CNTN4: variants seen among roughly 807,000 people sequenced by gnomAD.
The protein encoded by CNTN4 is contactin 4.
A neutral mutation model predicts 122.5 loss-of-function variants in CNTN4; 77 were observed. The ratio of observed to expected loss-of-function variants is 0.63; its 90% CI spans 0.52 to 0.76. The LOEUF (loss-of-function observed/expected upper bound fraction) is 0.76, where lower values mean the gene tolerates loss of function less well. Ranked by LOEUF, CNTN4 falls within the 30% of genes least tolerant of loss-of-function variation. The pLI is 0.00. For synonymous variants in CNTN4, 512 were observed against 447.0 expected, an observed-to-expected ratio of 1.15 and a Z score of -1.83; for missense variants, 1,256 against 1,259.1, an observed-to-expected ratio of 1.00 and a Z score of 0.04.
rs1057206659 is a variant in CNTN4 at position 2,473,345 on chromosome 3, A to G, written c.-88-98071A>G. Among the ~76,000 whole-genome samples, 5 of 151,534 alleles carry G rather than the reference A, an allele frequency of 3.3e-5. No individual in the cohort carries two copies. The South Asian group carries it at 6.3e-4, about 19-fold the overall frequency. On this transcript the variant is annotated intron_variant, in intron 3 of 24. Coordinates refer to ENST00000418658, the MANE Select transcript of CNTN4 (RefSeq NM_175607.3). The stretch of plus-strand genomic sequence containing the variant: ...GCTTCCTCAATTCCACCTGGACTCT[A>G]CCTCACTCCTTGCCACTTTCCTTCT...
intron 12 of CNTN4, among the ~76,000 whole-genome samples, chr3:2,916,744 G>A (rs1247188703): frequency 6.9e-6 from 1 of 144,518 alleles, no homozygotes; most frequent in Admixed American, 6.8e-5. Flanking sequence ...TGGCGGCCGG[G>A]CAGAGGGGCT....
chr3:2,504,598 G>A (rs570034520), intron 3 of CNTN4, among the ~76,000 whole-genome samples: 2 of 152,126 alleles, frequency 1.3e-5, no homozygotes, highest in African/African-American at 4.8e-5. Context: ...TAAAACTACT[G>A]AGTGAAATGC....
intron 13 of CNTN4, among the ~76,000 whole-genome samples, chr3:2,946,764 C>T (rs1462812646): frequency 3.7e-5 from 5 of 136,338 alleles, no homozygotes; most frequent in East Asian, 2.3e-4. Flanking sequence ...AATGCAGTGG[C>T]GTGAACATGG....
intron 3 of CNTN4, among the ~76,000 whole-genome samples, chr3:2,409,475 C>T (rs1181781057): frequency 6.6e-6 from 1 of 152,184 alleles, no homozygotes; most frequent in East Asian, 1.9e-4. Context: ...TCTCGAATTC[C>T]TGACCTTGTG....
intron 3 of CNTN4, among the ~76,000 whole-genome samples, chr3:2,361,705 C>T (rs917646361): frequency 1.3e-5 from 2 of 152,094 alleles, no homozygotes; most frequent in African/African-American, 2.4e-5. Context: ...ATATTTTCTA[C>T]CTAAAAAAGC....
At chr3:2,725,200 G>C (rs529070242) in intron 4 of CNTN4, among the ~76,000 whole-genome samples, 1 of 152,208 alleles carries the variant, frequency 6.6e-6, no homozygotes, top group African/African-American at 2.4e-5. Context: ...CAGCCACCTG[G>C]TGCTTAAAAC....
At chr3:3,032,980 C>G (rs1337248491) in intron 16 of CNTN4, among the ~76,000 whole-genome samples, 2 of 152,172 alleles carry the variant, frequency 1.3e-5, no homozygotes, top group East Asian at 1.9e-4. Context: ...ACCATCTTCT[C>G]TCCAGTGTCC....
intron 3 of CNTN4, among the ~76,000 whole-genome samples, chr3:2,523,862 C>CA (rs2077307601): frequency 1.3e-5 from 2 of 151,902 alleles, no homozygotes; most frequent in African/African-American, 2.4e-5. Context: ...TAAATATACA[C>CA]AAAAAAACTA....
chr3:2,698,313 T>C (rs1239083829), intron 4 of CNTN4, among the ~76,000 whole-genome samples: 1 of 152,214 alleles, frequency 6.6e-6, no homozygotes, highest in East Asian at 1.9e-4. Flanking sequence ...TCTCTCCCTT[T>C]TCCCTTCCAT....
At chr3:2,883,317 G>C (rs2093933832) in intron 9 of CNTN4, 70 bp downstream of exon 9, 1 of 1,107,890 alleles carries the variant, frequency 9.0e-7, no homozygotes, top group African/African-American at 1.6e-5. Flanking sequence ...TTCTTGCACT[G>C]TTCACAGCGA....
chr3:2,311,102 C>T (rs956131831), intron 2 of CNTN4, among the ~76,000 whole-genome samples: 1 of 152,048 alleles, frequency 6.6e-6, no homozygotes, highest in Non-Finnish European at 1.5e-5. Context: ...ACCTACCTTT[C>T]CCCCTGAAAT....
chr3:2,960,739 G>A (rs893580775), intron 13 of CNTN4, among the ~76,000 whole-genome samples: 31 of 152,108 alleles, frequency 2.0e-4, no homozygotes, highest in African/African-American at 7.0e-4. Context: ...TGCAGTAATG[G>A]CCCCTGCTTT....
chr3:2,370,360 G>T (rs1455908627), intron 3 of CNTN4, among the ~76,000 whole-genome samples: 1 of 152,108 alleles, frequency 6.6e-6, no homozygotes, highest in Non-Finnish European at 1.5e-5. Context: ...GTCATACTTT[G>T]GTTTTCCTGA....
intron 2 of CNTN4, among the ~76,000 whole-genome samples, chr3:2,192,792 A>G (rs1483534072): frequency 6.6e-6 from 1 of 152,136 alleles, no homozygotes; most frequent in East Asian, 1.9e-4. Flanking sequence ...TTCTAACTTT[A>G]CACCAAAACC....
At chr3:2,959,350 C>T (rs184751832) in intron 13 of CNTN4, among the ~76,000 whole-genome samples, 18 of 152,162 alleles carry the variant, frequency 1.2e-4, no homozygotes, top group Admixed American at 9.8e-4. Flanking sequence ...ATCTATAGAG[C>T]GTCTGTGTAA....
intron 2 of CNTN4, among the ~76,000 whole-genome samples, chr3:2,166,022 T>A (rs1279071895): frequency 6.6e-6 from 1 of 152,206 alleles, no homozygotes; most frequent in Non-Finnish European, 1.5e-5. Context: ...TGGAAGTTCA[T>A]CTGTCTCTTC....
At chr3:2,543,695 G>A (rs1246614961) in intron 3 of CNTN4, among the ~76,000 whole-genome samples, 2 of 151,982 alleles carry the variant, frequency 1.3e-5, no homozygotes, top group East Asian at 3.9e-4. Context: ...AGAGTTCATG[G>A]GACAGACAAA....
At chr3:2,691,594 T>G (rs2085742737) in intron 4 of CNTN4, among the ~76,000 whole-genome samples, 1 of 152,198 alleles carries the variant, frequency 6.6e-6, no homozygotes, top group South Asian at 2.1e-4. Context: ...AGCTATTAAT[T>G]GCAGGATCTA....
chr3:2,900,606 GC>G, intron 10 of CNTN4, 78 bp from the exon 11 acceptor site: 2 of 1,453,120 alleles, frequency 1.4e-6, no homozygotes, highest in Non-Finnish European at 1.9e-6. Flanking sequence ...GTGTACTTTT[GC>G]CCTTTGATTG....
Sources: allele counts gnomAD v4.1 joint callset (sites outside exome capture counted in the v4.1 genomes callset), GRCh38; gene constraint gnomAD v4.1.1; transcripts MANE v1.5; gene names NCBI Gene and HGNC (gene_info 2026-07-23, HGNC 2026-07-21).